The following PADI3 variants were observed in gnomAD, a reference collection of about 807,000 sequenced individuals.
PADI3 encodes the protein peptidyl arginine deiminase 3, also known as protein-arginine deiminase type-3.
In PADI3, 53 loss-of-function variants were observed where a neutral mutation model predicts 71.5. The ratio of observed to expected loss-of-function variants is 0.74; its 90% CI spans 0.59 to 0.93. The LOEUF is 0.93. Ranked by LOEUF, PADI3 falls within the 40% of genes least tolerant of loss-of-function variation. The probability of loss-of-function intolerance (pLI) is 0.00; values close to 1 mark genes in which losing one functional copy is unlikely to be tolerated. For missense variants in PADI3, 821 were observed against 868.0 expected (o/e 0.95, Z 0.68); for synonymous variants, 361 against 347.5 (o/e 1.04, Z -0.43).
intron 1 of PADI3, among the ~76,000 whole-genome samples, chr1:17,252,834 A>G (rs1333737028): frequency 6.6e-6 from 1 of 152,192 alleles, no homozygotes; most frequent in Non-Finnish European, 1.5e-5. Context: ...CTTTCCCATA[A>G]CATGTGGAGA....
chr1:17,258,318 G>A (rs2100562344), intron 1 of PADI3, among the ~76,000 whole-genome samples: 1 of 152,314 alleles, frequency 6.6e-6, no homozygotes, highest in South Asian at 2.1e-4. Flanking sequence ...GACAATGTTG[G>A]TCCTCAGCTC....
rs780259743 is a variant in PADI3, at chr1:17,273,464, G to T, written c.1155+17G>T. 2.6e-6 allele frequency: 4 copies of T among 1,560,662 alleles called. No individual in the cohort carries two copies. The highest frequency in any genetic ancestry group is 1.8e-6 in the Non-Finnish European group (2 of 1,133,750). On this transcript the variant is annotated intron_variant, in intron 10 of 15. Coordinates refer to ENST00000375460, the MANE Select transcript of PADI3 (RefSeq NM_016233.2). ...AGAATCCTGGTGAGTGGTCCCGGCC[G>T]CAGCCCACCCCTGAGAGCTGAGAGG...
At chr1:17,267,754 C>A in intron 5 of PADI3, 83 bp from the exon 6 acceptor site, 2 of 1,543,142 alleles carry the variant, frequency 1.3e-6, no homozygotes, top group Admixed American at 1.8e-5. Context: ...TACCCACTGA[C>A]CTGGGGAGGG....
intron 1 of PADI3, among the ~76,000 whole-genome samples, chr1:17,252,174 C>T (rs2072973759): frequency 6.6e-6 from 1 of 152,146 alleles, no homozygotes; most frequent in South Asian, 2.1e-4. Context: ...CACTGGGCGT[C>T]TGGTGGCTGA....
In PADI3 at chr1:17,270,226, C is replaced by T. The variant is rs1399592094; in HGVS notation, c.653-7C>T. 1.2e-6 allele frequency: 2 copies of T among 1,606,798 alleles called. No homozygotes were observed. Among genetic ancestry groups the T allele is most frequent in the Non-Finnish European group, 1.7e-6 (2 of 1,175,830 alleles). ...GAGTCACAGCCACCCCGTCCCTCCC[C>T]TTCCAGGTCCTGAGGATGTGTGTGA... On this transcript the variant is annotated splice_region_variant and splice_polypyrimidine_tract_variant and intron_variant, in intron 6 of 15. Coordinates refer to ENST00000375460, the MANE Select transcript of PADI3 (RefSeq NM_016233.2).
chr1:17,273,484 G>A (rs2073284875), intron 10 of PADI3, 37 bp downstream of exon 10: 1 of 1,439,446 alleles, frequency 6.9e-7, no homozygotes, highest in African/African-American at 1.4e-5. Flanking sequence ...CCTGAGAGCT[G>A]AGAGGCCTTA....
intron 1 of PADI3, among the ~76,000 whole-genome samples, chr1:17,253,167 G>A (rs2072986805): frequency 6.6e-6 from 1 of 152,210 alleles, no homozygotes; most frequent in Non-Finnish European, 1.5e-5. Flanking sequence ...CGCCTGGATT[G>A]GAGGTCCTGG....
intron 3 of PADI3, among the ~76,000 whole-genome samples, chr1:17,262,681 A>G (rs2073118471): frequency 6.6e-6 from 1 of 152,246 alleles, no homozygotes; most frequent in African/African-American, 2.4e-5. Context: ...AAACCATAGT[A>G]ATAAGAGATT....
chr1:17,257,956 G>A (rs1251916587), intron 1 of PADI3, among the ~76,000 whole-genome samples: 1 of 152,188 alleles, frequency 6.6e-6, no homozygotes, highest in East Asian at 1.9e-4. Context: ...TTATGGTATT[G>A]TTGTTATTAT....
intron 4 of PADI3, among the ~76,000 whole-genome samples, chr1:17,266,282 G>C (rs565294645): frequency 1.3e-5 from 2 of 152,314 alleles, no homozygotes; most frequent in East Asian, 3.9e-4. Flanking sequence ...TGGGAGTTAA[G>C]AGGAGAAGGT....
At chr1:17,272,445 G>C (rs907214341) in intron 9 of PADI3, among the ~76,000 whole-genome samples, 16 of 152,156 alleles carry the variant, frequency 1.1e-4, no homozygotes, top group African/African-American at 3.6e-4. Flanking sequence ...CAACTAACTA[G>C]CTGTGAGCTT....
In PADI3 at chr1:17,276,490, A is replaced by G. The variant is rs368523907; in HGVS notation, c.1308-29A>G. 63 of 1,612,814 alleles carry G rather than the reference A, an allele frequency of 3.9e-5. 1 individual carries two copies. In the Middle Eastern group the frequency reaches 1.5e-3, roughly 39 times the overall value. On this transcript the variant is annotated intron_variant, in intron 11 of 15. Transcript: ENST00000375460. ...CTGCATGGAGTCTTTTTAGTTAAGC[A>G]ACTTTTTTTTTAACCTCGTGGGTCC...
At chr1:17,272,815 C>G (rs2073273853) in intron 9 of PADI3, among the ~76,000 whole-genome samples, 1 of 152,160 alleles carries the variant, frequency 6.6e-6, no homozygotes, top group Non-Finnish European at 1.5e-5. Context: ...ATAATTAGAC[C>G]TCTTAGTTCC....
Position 17,283,361 on chromosome 1 carries a change from T to C in PADI3, c.*282T>C, listed in dbSNP as rs1195150843. On this transcript the variant is annotated 3_prime_UTR_variant, in exon 16 of 16. Transcript: ENST00000375460. ...AACACAACCCATGGAGATGTCCCCT[T>C]CTCACTCTGAAATCATCCATTTGGG... 1 of 387,238 alleles carries C rather than the reference T, an allele frequency of 2.6e-6. No homozygotes were observed. The highest frequency in any genetic ancestry group is 4.7e-5 in the East Asian group (1 of 21,210). 24.0% of individuals were successfully genotyped at this position (387,238 alleles called of 1,614,324 possible). A position where few individuals can be genotyped will look rare whatever the true frequency, so the allele number is the denominator to read the frequency against.
At position 17,283,119 on chromosome 1, in the gene PADI3, A is replaced by C. The variant is rs753555074; in HGVS notation, c.*40A>C. On this transcript the variant is annotated 3_prime_UTR_variant, in exon 16 of 16. Transcript: ENST00000375460. ...ACCATCCTGTCCCCCTGGGGCGGGC[A>C]TTGGCCCAGGTGGTGGAGACAGAGA... 6.6e-7 allele frequency: 1 copy of C among 1,519,750 alleles called. No homozygotes were observed. The highest frequency in any genetic ancestry group is 1.4e-5 in the African/African-American group (1 of 73,216). 94.1% of individuals were successfully genotyped at this position (1,519,750 alleles called of 1,614,324 possible). A position where few individuals can be genotyped will look rare whatever the true frequency, so the allele number is the denominator to read the frequency against.
At chr1:17,256,554 C>A (rs2073030176) in intron 1 of PADI3, among the ~76,000 whole-genome samples, 1 of 152,198 alleles carries the variant, frequency 6.6e-6, no homozygotes, top group African/African-American at 2.4e-5. Context: ...GATCCCCCAG[C>A]ATCTCACACA....
chr1:17,252,397 C>CTTTTTTT (rs1448917763), intron 1 of PADI3, among the ~76,000 whole-genome samples: 2 of 62,248 alleles, frequency 3.2e-5, no homozygotes, highest in Non-Finnish European at 4.1e-5. Flanking sequence ...TTCTTTTCTT[C>CTTTTTTT]TTCTTTTTTT....
chr1:17,266,890 C>T, intron 5 of PADI3, 54 bp downstream of exon 5: 2 of 1,364,808 alleles, frequency 1.5e-6, no homozygotes, highest in South Asian at 1.2e-5. Context: ...GCTCAGTTAC[C>T]CCATGGGAGT....
At chr1:17,270,091 C>T (rs1488647374) in intron 6 of PADI3, 142 bp from the exon 7 acceptor site, 18 of 947,706 alleles carry the variant, frequency 1.9e-5, no homozygotes, top group South Asian at 9.7e-5. Context: ...CCTGTCCTCT[C>T]CTTTGCCAGT....
Sources: gnomAD v4.1 joint callset for allele counts (sites outside exome capture counted in the v4.1 genomes callset) on GRCh38, gnomAD v4.1.1 for gene constraint, MANE v1.5 for transcripts, NCBI Gene and HGNC (gene_info 2026-07-23, HGNC 2026-07-21) for gene names.